Variants in THSD4 observed in about 807,000 individuals in gnomAD.
THSD4 encodes thrombospondin type-1 domain-containing protein 4.
A neutral mutation model predicts 119.0 loss-of-function variants in THSD4; 69 were observed. The ratio of observed to expected loss-of-function variants is 0.58; its 90% CI spans 0.48 to 0.71. The LOEUF (loss-of-function observed/expected upper bound fraction) is 0.71, where lower values mean the gene tolerates loss of function less well. Among genes scored for constraint, THSD4 ranks in the 30% least tolerant of loss-of-function variants. THSD4 has a pLI of 0.00. For missense variants in THSD4, 1,393 were observed against 1,391.1 expected (o/e 1.00, Z -0.02); for synonymous variants, 524 against 540.4 (o/e 0.97, Z 0.42).
At position 71,404,153 on chromosome 15, in the gene THSD4, A is replaced by G. The variant is rs1007111576; in HGVS notation, c.1016-7534A>G. Among the ~76,000 whole-genome samples the G allele has an allele frequency of 3.3e-5, 5 of 152,338 alleles. 1 individual carries two copies. The highest frequency in any genetic ancestry group is 1.3e-4 in the Admixed American group (2 of 15,304). The stretch of plus-strand genomic sequence containing the variant: ...GTCACCAACTTAGTTGTTTTAGTAT[A>G]TTCACAATTATATAACTATTATCAT... On this transcript the variant is annotated intron_variant, in intron 6 of 17. Coordinates refer to ENST00000261862, the MANE Select transcript of THSD4 (RefSeq NM_024817.3).
At chr15:71,124,155 G>A (rs904623346) in intron 1 of THSD4, among the ~76,000 whole-genome samples, 1 of 152,100 alleles carries the variant, frequency 6.6e-6, no homozygotes, top group African/African-American at 2.4e-5. Flanking sequence ...CTTGGAAAGG[G>A]CCAAACATTA....
chr15:71,593,625 G>T (rs879737087), intron 7 of THSD4, among the ~76,000 whole-genome samples: 2 of 152,104 alleles, frequency 1.3e-5, no homozygotes, highest in African/African-American at 4.8e-5. Context: ...CTGGGGAATG[G>T]TGGCTCACAC....
intron 15 of THSD4, among the ~76,000 whole-genome samples, chr15:71,761,483 T>C (rs1438272425): frequency 6.6e-6 from 1 of 152,128 alleles, no homozygotes; most frequent in Admixed American, 6.5e-5. Context: ...TTTTCTGCTT[T>C]CCCCCCAAAG....
intron 7 of THSD4, among the ~76,000 whole-genome samples, chr15:71,544,409 G>C (rs556534779): frequency 6.6e-6 from 1 of 152,326 alleles, no homozygotes; most frequent in African/African-American, 2.4e-5. Flanking sequence ...GAAATCTAGA[G>C]CCATAGCCCT....
chr15:71,545,210 A>G (rs12440877), intron 7 of THSD4, among the ~76,000 whole-genome samples: 7,316 of 152,302 alleles, frequency 0.048, 800 homozygotes, highest in East Asian at 0.47. Flanking sequence ...ACATGGTTAC[A>G]GAGAAGTAAA....
At chr15:71,326,724 T>TATATATATATATATATTA (rs1567196715) in intron 6 of THSD4, among the ~76,000 whole-genome samples, 1 of 89,280 alleles carries the variant, frequency 1.1e-5, no homozygotes, top group Non-Finnish European at 2.3e-5. Flanking sequence ...TATATATATA[T>TATATATATATATATATTA]ATTAGCTGGG....
chr15:71,402,229 T>TTAA (rs1566970443), intron 6 of THSD4, among the ~76,000 whole-genome samples: 2 of 145,894 alleles, frequency 1.4e-5, no homozygotes, highest in African/African-American at 5.1e-5. Flanking sequence ...GTATAATAAT[T>TTAA]AAAAAAAAAA....
At chr15:71,613,155 A>G (rs758935838) in intron 7 of THSD4, among the ~76,000 whole-genome samples, 1 of 152,224 alleles carries the variant, frequency 6.6e-6, no homozygotes, top group Non-Finnish European at 1.5e-5. Flanking sequence ...CTCCCAAAGC[A>G]TGTTTCAGAA....
chr15:71,601,816 A>G (rs1319429098), intron 7 of THSD4, among the ~76,000 whole-genome samples: 1 of 152,232 alleles, frequency 6.6e-6, no homozygotes, highest in East Asian at 1.9e-4. Context: ...GTGTCAAAGC[A>G]GCTGTGTGCG....
chr15:71,266,437 G>A (rs982556669), intron 6 of THSD4, among the ~76,000 whole-genome samples: 3 of 151,996 alleles, frequency 2.0e-5, no homozygotes, highest in South Asian at 2.1e-4. Flanking sequence ...GGACGTCCAC[G>A]CAAAAACCAC....
At chr15:71,534,286 G>T (rs1451760008) in intron 7 of THSD4, among the ~76,000 whole-genome samples, 1 of 152,228 alleles carries the variant, frequency 6.6e-6, no homozygotes, top group Admixed American at 6.5e-5. Flanking sequence ...TTCATTTGCA[G>T]TCTCAACCCT....
At chr15:71,355,862 CTTATTTTATT>C (rs113004232) in intron 6 of THSD4, among the ~76,000 whole-genome samples, 1 of 150,610 alleles carries the variant, frequency 6.6e-6, no homozygotes, top group South Asian at 2.1e-4. Flanking sequence ...TTAGGTTTTT[CTTATTTTATT>C]TTATTTTATT....
At chr15:71,464,083 G>T (rs2047464785) in intron 7 of THSD4, among the ~76,000 whole-genome samples, 1 of 152,168 alleles carries the variant, frequency 6.6e-6, no homozygotes, top group Non-Finnish European at 1.5e-5. Flanking sequence ...TAGTTGTCCA[G>T]CCTTCTGCAT....
intron 7 of THSD4, among the ~76,000 whole-genome samples, chr15:71,653,606 A>G (rs1442320563): frequency 6.6e-6 from 1 of 152,214 alleles, no homozygotes; most frequent in East Asian, 1.9e-4. Context: ...GCTGGAGTTG[A>G]GAAGCCCTCA....
At chr15:71,497,125 G>GAA (rs2048030026) in intron 7 of THSD4, among the ~76,000 whole-genome samples, 1 of 152,206 alleles carries the variant, frequency 6.6e-6, no homozygotes, top group Non-Finnish European at 1.5e-5. Context: ...CACCCAAAAT[G>GAA]AAACCTTTCT....
At chr15:71,751,282 AT>A (rs1462180727) in intron 14 of THSD4, among the ~76,000 whole-genome samples, 2 of 152,194 alleles carry the variant, frequency 1.3e-5, no homozygotes, top group African/African-American at 4.8e-5. Flanking sequence ...TCATTTTTAT[AT>A]TGGAATGATT....
intron 7 of THSD4, among the ~76,000 whole-genome samples, chr15:71,437,232 G>A (rs539762873): frequency 1.3e-5 from 2 of 152,274 alleles, no homozygotes; most frequent in South Asian, 2.1e-4. Flanking sequence ...CCAAGGATAT[G>A]GTGCTAAGCC....
chr15:71,320,649 C>G (rs2045254266), intron 6 of THSD4, among the ~76,000 whole-genome samples: 1 of 152,194 alleles, frequency 6.6e-6, no homozygotes, highest in African/African-American at 2.4e-5. Context: ...ACTTTTTGCT[C>G]CATCCATACC....
intron 6 of THSD4, among the ~76,000 whole-genome samples, chr15:71,369,511 A>G (rs1450923461): frequency 6.6e-6 from 1 of 152,182 alleles, no homozygotes; most frequent in Non-Finnish European, 1.5e-5. Context: ...AATTTTGTCA[A>G]AGGCCTTTTC....
Sources: gnomAD v4.1 joint callset for allele counts (sites outside exome capture counted in the v4.1 genomes callset) on GRCh38, gnomAD v4.1.1 for gene constraint, MANE v1.5 for transcripts, NCBI Gene and HGNC (gene_info 2026-07-23, HGNC 2026-07-21) for gene names.